NUP43: variants seen among roughly 807,000 people sequenced by gnomAD.
NUP43 encodes nucleoporin 43.
A neutral mutation model predicts 47.3 loss-of-function variants in NUP43; 32 were observed. The observed-to-expected ratio is 0.68, with a 90% CI of 0.51 to 0.91. NUP43 has a LOEUF of 0.91. Ranked by LOEUF, NUP43 falls within the 40% of genes least tolerant of loss-of-function variation. The pLI, the probability that NUP43 is intolerant of heterozygous loss-of-function variation, is 0.00. For synonymous variants in NUP43, 147 were observed against 158.4 expected (o/e 0.93, Z 0.54); for missense variants, 444 against 453.9 (o/e 0.98, Z 0.20).
rs1426810144 is a variant in NUP43, at chr6:149,727,145, G to A, written c.967C>T (p.His323Tyr). Residue 323 changes from histidine (H) to tyrosine (Y), a missense_variant, in exon 8 of 8, where the codon CAC becomes TAC. By Grantham distance (83) the His-to-Tyr change is moderately conservative. Coordinates refer to ENST00000340413, the MANE Select transcript of NUP43 (RefSeq NM_198887.3). Reference sequence around the variant, plus strand: ...AGCCAGGAGCTAATGACAGACTGGTGAACATTAGCTTGGTTACTAATGCTA... The same window carrying A: ...AGCCAGGAGCTAATGACAGACTGGTAAACATTAGCTTGGTTACTAATGCTA... ...SHSISNQANVHQSVISSWLST... is the reference protein window; with the variant it reads ...SHSISNQANVYQSVISSWLST... 3 of 1,613,952 alleles carry A rather than the reference G, an allele frequency of 1.9e-6. No individual in the cohort carries two copies. The highest frequency in any genetic ancestry group is 2.7e-5 in the African/African-American group (2 of 74,902).
chr6:149,746,163 AT>A, intron 1 of NUP43, 101 bp from the exon 2 acceptor site: 1 of 1,411,274 alleles, frequency 7.1e-7, no homozygotes, highest in South Asian at 1.3e-5. Context: ...AACATCTCAA[AT>A]GGTATGGTGA....
chr6:149,732,988 G>A (rs918695752), intron 6 of NUP43, among the ~76,000 whole-genome samples: 1 of 152,060 alleles, frequency 6.6e-6, no homozygotes, highest in African/African-American at 2.4e-5. Flanking sequence ...CTGGCGTCAA[G>A]CAATCCTCCT....
intron 2 of NUP43, among the ~76,000 whole-genome samples, chr6:149,744,169 G>C (rs1208982195): frequency 6.6e-6 from 1 of 152,052 alleles, no homozygotes; most frequent in Non-Finnish European, 1.5e-5. Flanking sequence ...AGCCAAGATT[G>C]AGCCCCTGCA....
chr6:149,740,970 G>A (rs1014380406), intron 4 of NUP43, among the ~76,000 whole-genome samples: 11 of 151,542 alleles, frequency 7.3e-5, no homozygotes, highest in East Asian at 3.9e-4. Context: ...TGTCTAGCAC[G>A]CCATCTTTTA....
At chr6:149,738,616 T>C in intron 5 of NUP43, 27 bp downstream of exon 5, 2 of 1,504,794 alleles carry the variant, frequency 1.3e-6, no homozygotes, top group South Asian at 2.8e-5. Context: ...GTGGATTACA[T>C]TACTGAAATT....
At chr6:149,745,813 TAA>T (rs1232018522) in intron 2 of NUP43, 125 bp downstream of exon 2, 10 of 727,562 alleles carry the variant, frequency 1.4e-5, no homozygotes, top group Non-Finnish European at 2.1e-5. Context: ...GGGCAAATCA[TAA>T]CTTACAGAGC....
chr6:149,734,254 G>A (rs1307162058), intron 6 of NUP43, among the ~76,000 whole-genome samples: 1 of 152,066 alleles, frequency 6.6e-6, no homozygotes, highest in Non-Finnish European at 1.5e-5. Flanking sequence ...AGGATCACTT[G>A]ACCCCAGGAG....
Position 149,724,695 on chromosome 6 carries a change from T to C in NUP43, c.*2274A>G, listed in dbSNP as rs1784730915. 1 of 152,212 alleles carries C rather than the reference T, an allele frequency of 6.6e-6. No individual in the cohort carries two copies. The highest frequency in any genetic ancestry group is 1.5e-5 in the Non-Finnish European group (1 of 68,026). 9.4% of individuals were successfully genotyped at this position (152,212 alleles called of 1,614,324 possible). ...GCCTCCCGGGTTTGAGCAATTCTCC[T>C]GCCTCAGCCTCCCAAGTAGCTGGGA... On this transcript the variant is annotated 3_prime_UTR_variant, in exon 8 of 8. Transcript: ENST00000340413.
intron 4 of NUP43, among the ~76,000 whole-genome samples, chr6:149,741,634 T>C (rs1330568394): frequency 1.3e-5 from 2 of 151,840 alleles, no homozygotes; most frequent in East Asian, 3.9e-4. Context: ...GCCTCCCGAG[T>C]AGCTGGGACT....
chr6:149,749,116 C>A (rs1257308829), upstream of NUP43, among the ~76,000 whole-genome samples: 1 of 151,660 alleles, frequency 6.6e-6, no homozygotes. Flanking sequence ...TTTGCCCCAA[C>A]CCCCACCCCC....
chr6:149,734,153 A>C (rs183869335), intron 6 of NUP43, among the ~76,000 whole-genome samples: 1 of 152,152 alleles, frequency 6.6e-6, no homozygotes, highest in Admixed American at 6.6e-5. Flanking sequence ...TTATGGAATC[A>C]TAATTTCTAT....
At chr6:149,742,595 A>T in intron 3 of NUP43, 25 bp from the exon 4 acceptor site, 3 of 1,593,458 alleles carry the variant, frequency 1.9e-6, no homozygotes, top group Non-Finnish European at 2.6e-6. Context: ...TGAGGATACT[A>T]TTAAAGCAAA....
intron 4 of NUP43, 126 bp downstream of exon 4, chr6:149,742,264 G>A: frequency 3.9e-6 from 3 of 762,778 alleles, no homozygotes; most frequent in South Asian, 1.6e-5. Flanking sequence ...GACCTCAGGT[G>A]ATCCACCTGC....
chr6:149,744,859 C>T (rs1162198475), intron 2 of NUP43, among the ~76,000 whole-genome samples: 1 of 151,534 alleles, frequency 6.6e-6, no homozygotes, highest in African/African-American at 2.4e-5. Context: ...TGTATCTTTC[C>T]TAGAGCTAGA....
At chr6:149,748,698 A>C (rs181605273), upstream of NUP43, among the ~76,000 whole-genome samples, 147 of 151,054 alleles carry the variant, frequency 9.7e-4, 1 homozygote, top group African/African-American at 3.4e-3. Flanking sequence ...AGTCCCAGCT[A>C]CTCGGGAGGC....
intron 4 of NUP43, among the ~76,000 whole-genome samples, chr6:149,739,961 C>T (rs2115131718): frequency 6.6e-6 from 1 of 152,326 alleles, no homozygotes; most frequent in African/African-American, 2.4e-5. Flanking sequence ...CTCCTCTACA[C>T]TGCCACCAGG....
intron 4 of NUP43, 77 bp downstream of exon 4, chr6:149,742,313 A>G: frequency 7.1e-7 from 1 of 1,402,706 alleles, no homozygotes; most frequent in East Asian, 2.3e-5. Context: ...GGGGTGAGCC[A>G]CCACACCCAG....
chr6:149,731,442 AG>A (rs2115087279), intron 7 of NUP43, 170 bp downstream of exon 7: 1 of 491,774 alleles, frequency 2.0e-6, no homozygotes, highest in South Asian at 2.5e-5. Flanking sequence ...CATGACTAGT[AG>A]TCCTGGCTAC....
At position 149,746,362 on chromosome 6, in the gene NUP43, A is replaced by G. The variant is rs760157946; in HGVS notation, c.120+14T>C. 3.1e-6 allele frequency: 5 copies of G among 1,612,834 alleles called. No individual in the cohort carries two copies. In the African/African-American group the frequency reaches 5.3e-5, roughly 17 times the overall value. ...AGGGAGGAGGTAGGGGCTCGTCCCT[A>G]TCAGCGGCGATACCTCATTGTCCCA... On this transcript the variant is annotated intron_variant, in intron 1 of 7. Transcript: ENST00000340413.
Sources: gnomAD v4.1 joint callset for allele counts (sites outside exome capture counted in the v4.1 genomes callset) on GRCh38, gnomAD v4.1.1 for gene constraint, MANE v1.5 for transcripts, NCBI Gene and HGNC (gene_info 2026-07-23, HGNC 2026-07-21) for gene names.